The following CAB39 variants were observed in gnomAD, a reference collection of about 807,000 sequenced individuals.
CAB39 encodes calcium binding protein 39.
CAB39 carries 8 observed loss-of-function variants against 40.0 expected under a neutral mutation model. The ratio of observed to expected loss-of-function variants is 0.20; its 90% CI spans 0.12 to 0.36. The LOEUF is 0.36. Among genes scored for constraint, CAB39 ranks in the 10% least tolerant of loss-of-function variants. The probability of loss-of-function intolerance (pLI) is 1.00; values close to 1 mark genes in which losing one functional copy is unlikely to be tolerated. For missense variants in CAB39, 270 were observed against 401.1 expected (o/e 0.67, Z 2.79); for synonymous variants, 156 against 141.6 (o/e 1.10, Z -0.72).
At chr2:230,721,950 T>TA (rs1694461042) in intron 1 of CAB39, among the ~76,000 whole-genome samples, 2 of 152,196 alleles carry the variant, frequency 1.3e-5, no homozygotes, top group Non-Finnish European at 2.9e-5. Flanking sequence ...TTTGCATACT[T>TA]ACTAGTATGG....
intron 4 of CAB39, among the ~76,000 whole-genome samples, chr2:230,794,988 A>C (rs973476823): frequency 1.1e-4 from 16 of 152,176 alleles, no homozygotes; most frequent in Admixed American, 9.2e-4. Flanking sequence ...ATTTAATATT[A>C]CTTCCAGGCT....
chr2:230,814,690 T>G (rs1696368777), intron 7 of CAB39, among the ~76,000 whole-genome samples: 1 of 152,202 alleles, frequency 6.6e-6, no homozygotes, highest in Non-Finnish European at 1.5e-5. Context: ...TTTATTTACA[T>G]ATTGTCTGTG....
At chr2:230,717,974 T>G (rs1694380347) in intron 1 of CAB39, among the ~76,000 whole-genome samples, 1 of 152,220 alleles carries the variant, frequency 6.6e-6, no homozygotes, top group African/African-American at 2.4e-5. Flanking sequence ...AGTGCATACC[T>G]ATTTGTATGA....
At chr2:230,756,142 A>G (rs1695186034) in intron 1 of CAB39, among the ~76,000 whole-genome samples, 1 of 152,120 alleles carries the variant, frequency 6.6e-6, no homozygotes, top group South Asian at 2.1e-4. Context: ...GAAGGAATTA[A>G]CTCCTGTGTT....
Position 230,820,224 on chromosome 2 carries a change from G to A in CAB39, c.*1520G>A, listed in dbSNP as rs754176880. On this transcript the variant is annotated 3_prime_UTR_variant, in exon 9 of 9. Transcript: ENST00000258418. ...CCAGTTCAAATTCAGCATGGCTGCAGCTGATTAAGAAATTGATATGATTAT... is the reference window on the plus strand; with the variant it reads ...CCAGTTCAAATTCAGCATGGCTGCAACTGATTAAGAAATTGATATGATTAT... The A allele has an allele frequency of 6.6e-6, 1 of 152,436 alleles. No individual in the cohort carries two copies. Among genetic ancestry groups the A allele is most frequent in the African/African-American group, 2.4e-5 (1 of 41,436 alleles). 9.4% of individuals were successfully genotyped at this position (152,436 alleles called of 1,614,324 possible).
At chr2:230,745,947 AT>A (rs1179364381) in intron 1 of CAB39, among the ~76,000 whole-genome samples, 3 of 152,022 alleles carry the variant, frequency 2.0e-5, no homozygotes, top group African/African-American at 7.2e-5. Context: ...TAAAAAAAAA[AT>A]TTTTTTAAGG....
intron 2 of CAB39, among the ~76,000 whole-genome samples, chr2:230,773,294 A>ATGTG (rs35804272): frequency 9.8e-5 from 13 of 132,038 alleles, no homozygotes; most frequent in African/African-American, 2.4e-4. Context: ...TCATGGGTGT[A>ATGTG]TGTGTATATA....
intron 2 of CAB39, among the ~76,000 whole-genome samples, chr2:230,786,145 CAG>C (rs1407243399): frequency 1.7e-5 from 2 of 120,984 alleles, no homozygotes; most frequent in Non-Finnish European, 1.6e-5. Context: ...GCCTGGGTGA[CAG>C]AGCAAGACTC....
At position 230,739,504 on chromosome 2, in the gene CAB39, C is replaced by CT. The variant is rs376352763; in HGVS notation, c.-43-20447dup. On this transcript the variant is annotated intron_variant, in intron 1 of 8. Coordinates refer to ENST00000258418, the MANE Select transcript of CAB39 (RefSeq NM_016289.4). Reference sequence around the variant, plus strand: ...GTAATATGAAACTATAATTTGAAGTCTTTTTTTTGAGACAGAGTTTCGCCC... The same window carrying CT: ...GTAATATGAAACTATAATTTGAAGTCTTTTTTTTTGAGACAGAGTTTCGCCC... 5.0e-4 allele frequency among the ~76,000 whole-genome samples: 76 copies of CT among 151,932 alleles called. 1 individual carries two copies. Among genetic ancestry groups the CT allele is most frequent in the African/African-American group, 1.7e-3 (69 of 41,466 alleles).
At chr2:230,784,671 G>A (rs1695756561) in intron 2 of CAB39, among the ~76,000 whole-genome samples, 2 of 152,134 alleles carry the variant, frequency 1.3e-5, no homozygotes, top group African/African-American at 4.8e-5. Flanking sequence ...CAGCAATTCC[G>A]AATCCTGTGG....
chr2:230,817,761 G>T lies in CAB39; in HGVS notation c.701G>T (p.Gly234Val). The T allele has an allele frequency of 6.3e-7, 1 of 1,582,026 alleles. No homozygotes were observed. The highest frequency in any genetic ancestry group is 2.3e-5 in the East Asian group (1 of 44,428). Residue 234 changes from glycine to valine, a missense_variant, in exon 8 of 9, where the codon GGT (glycine) becomes GTT (valine). Gly to Val is a moderately radical substitution (Grantham distance 109). Coordinates refer to ENST00000258418, the MANE Select transcript of CAB39 (RefSeq NM_016289.4). ...GTTTAAATGTCTTCTCAGCTTCTCG[G>T]TGAACTACTACTAGATAGACACAAC... ...VTKRQSLKLL[G>V]ELLLDRHNFT...
chr2:230,770,629 G>A (rs1256843609), intron 2 of CAB39, among the ~76,000 whole-genome samples: 4 of 152,064 alleles, frequency 2.6e-5, no homozygotes, highest in South Asian at 2.1e-4. Flanking sequence ...TCAGACAAAG[G>A]TATTACAATA....
intron 1 of CAB39, among the ~76,000 whole-genome samples, chr2:230,719,618 C>A (rs1251666818): frequency 3.3e-5 from 5 of 152,186 alleles, no homozygotes; most frequent in African/African-American, 1.2e-4. Context: ...GATGGGAGGC[C>A]TGTGTTACAG....
At chr2:230,799,850 C>A (rs1403630972) in intron 5 of CAB39, among the ~76,000 whole-genome samples, 1 of 151,926 alleles carries the variant, frequency 6.6e-6, no homozygotes, top group African/African-American at 2.4e-5. Context: ...ATCAGCCGGG[C>A]GTAGTGGCGC....
intron 1 of CAB39, among the ~76,000 whole-genome samples, chr2:230,748,829 AAAAT>A (rs1339433524): frequency 6.5e-4 from 30 of 46,416 alleles, no homozygotes; most frequent in Non-Finnish European, 6.2e-4. Context: ...AAAAAAAAAA[AAAAT>A]ATATATATAT....
At chr2:230,804,334 G>T (rs1696150293) in intron 5 of CAB39, among the ~76,000 whole-genome samples, 1 of 152,258 alleles carries the variant, frequency 6.6e-6, no homozygotes, top group East Asian at 1.9e-4. Flanking sequence ...CAGGACATAG[G>T]CATGGGCAAG....
intron 5 of CAB39, 28 bp downstream of exon 5, chr2:230,798,925 T>C (rs553562708): frequency 9.7e-6 from 15 of 1,544,348 alleles, no homozygotes; most frequent in Non-Finnish European, 1.2e-5. Flanking sequence ...ATTCTAAATA[T>C]CCTTGAAAGT....
chr2:230,726,208 G>T (rs1368779234), intron 1 of CAB39, among the ~76,000 whole-genome samples: 2 of 151,916 alleles, frequency 1.3e-5, no homozygotes, highest in Admixed American at 6.6e-5. Flanking sequence ...TGTTACCTAG[G>T]CTGGAGTGCA....
At chr2:230,815,378 G>A (rs1449599104) in intron 7 of CAB39, among the ~76,000 whole-genome samples, 2 of 152,200 alleles carry the variant, frequency 1.3e-5, no homozygotes, top group Non-Finnish European at 2.9e-5. Context: ...AGCTGTGGGA[G>A]GAGTTTCTCC....
Sources: gnomAD v4.1 joint callset for allele counts (sites outside exome capture counted in the v4.1 genomes callset) on GRCh38, gnomAD v4.1.1 for gene constraint, MANE v1.5 for transcripts, NCBI Gene and HGNC (gene_info 2026-07-23, HGNC 2026-07-21) for gene names.